Variants in ADAMTS20 observed in about 807,000 individuals in gnomAD.
ADAMTS20 encodes the protein ADAM metallopeptidase with thrombospondin type 1 motif 20, also known as A disintegrin and metalloproteinase with thrombospondin motifs 20.
Under a neutral mutation model 260.1 loss-of-function variants are expected in ADAMTS20, and 225 were observed. The observed-to-expected ratio is 0.87, with a 90% CI of 0.78 to 0.97. The LOEUF is 0.97. ADAMTS20 is among the 50% of genes least tolerant of loss of function. ADAMTS20 has a pLI of 0.00. For synonymous variants in ADAMTS20, 802 were observed against 769.5 expected, an observed-to-expected ratio of 1.04 and a Z score of -0.70; for missense variants, 2,400 against 2,337.7, an observed-to-expected ratio of 1.03 and a Z score of -0.55.
rs185013455 is a variant in ADAMTS20 at position 43,478,101 on chromosome 12, G to A, written c.1118-9396C>T. ...TTCAGATATGTGAATTTTCAGATAC[G>A]TAATATAAAATTATTCCACATAAGA... On this transcript the variant is annotated intron_variant, in intron 7 of 38. Transcript: ENST00000389420. 1.1e-3 allele frequency among the ~76,000 whole-genome samples: 166 copies of A among 152,112 alleles called. 1 individual carries two copies. Among genetic ancestry groups the A allele is most frequent in the Middle Eastern group, 3.4e-3 (1 of 294 alleles).
intron 37 of ADAMTS20, among the ~76,000 whole-genome samples, chr12:43,363,045 G>T (rs1462182828): frequency 1.3e-5 from 2 of 151,792 alleles, no homozygotes; most frequent in Non-Finnish European, 2.9e-5. Context: ...AAAAAAAAAA[G>T]AATATCTATT....
At chr12:43,430,574 C>G in intron 22 of ADAMTS20, 103 bp from the exon 23 acceptor site, 1 of 1,085,862 alleles carries the variant, frequency 9.2e-7, no homozygotes, top group Admixed American at 2.9e-5. Flanking sequence ...TTTTAATAAT[C>G]TTTTTATCAA....
At chr12:43,493,562 T>C (rs1401707864) in intron 4 of ADAMTS20, among the ~76,000 whole-genome samples, 1 of 152,112 alleles carries the variant, frequency 6.6e-6, no homozygotes, top group African/African-American at 2.4e-5. Flanking sequence ...ACACAGAATC[T>C]CAGGCCCCAC....
chr12:43,372,316 T>A (rs1940124907), intron 36 of ADAMTS20, among the ~76,000 whole-genome samples: 1 of 152,020 alleles, frequency 6.6e-6, no homozygotes, highest in Non-Finnish European at 1.5e-5. Flanking sequence ...CACAAAACCA[T>A]TAGAGGATGG....
rs114535448 is a variant in ADAMTS20, at chr12:43,455,202, A to T, written c.1615-1150T>A. Among the ~76,000 whole-genome samples the T allele has an allele frequency of 1.3e-3, 196 of 152,296 alleles. 1 individual carries two copies. The highest frequency in any genetic ancestry group is 4.5e-3 in the African/African-American group (186 of 41,540). On this transcript the variant is annotated intron_variant, in intron 11 of 38. Coordinates refer to ENST00000389420, the MANE Select transcript of ADAMTS20 (RefSeq NM_025003.5). ...ACTTAGCATAATATGCCCAAGCTTC[A>T]TCCATGTGTCAGAATTTTCTTATTA...
chr12:43,547,344 A>G (rs899376365), intron 2 of ADAMTS20, among the ~76,000 whole-genome samples: 1 of 152,168 alleles, frequency 6.6e-6, no homozygotes, highest in Non-Finnish European at 1.5e-5. Flanking sequence ...AACTCAGTAG[A>G]TACTGGAGGG....
At chr12:43,464,313 T>C (rs944413553) in intron 10 of ADAMTS20, among the ~76,000 whole-genome samples, 1 of 152,128 alleles carries the variant, frequency 6.6e-6, no homozygotes, top group Non-Finnish European at 1.5e-5. Context: ...AATGATTTTA[T>C]TTTCAAATTA....
chr12:43,378,822 A>G (rs1940286492), intron 31 of ADAMTS20, among the ~76,000 whole-genome samples: 1 of 152,226 alleles, frequency 6.6e-6, no homozygotes, highest in Non-Finnish European at 1.5e-5. Context: ...TCTCTCTTCT[A>G]TAATAGCAGT....
chr12:43,485,736 A>C (rs1942513230), intron 7 of ADAMTS20, among the ~76,000 whole-genome samples: 1 of 152,172 alleles, frequency 6.6e-6, no homozygotes, highest in African/African-American at 2.4e-5. Flanking sequence ...AGGTTCCCAA[A>C]TCAACATACA....
chr12:43,479,579 A>G (rs1273105591), intron 7 of ADAMTS20, among the ~76,000 whole-genome samples: 1 of 152,272 alleles, frequency 6.6e-6, no homozygotes, highest in East Asian at 1.9e-4. Context: ...TATGTAATTC[A>G]TGAAGCAGCA....
intron 21 of ADAMTS20, 57 bp from the exon 22 acceptor site, chr12:43,431,553 TA>T (rs1941444366): frequency 1.3e-6 from 2 of 1,565,116 alleles, no homozygotes; most frequent in African/African-American, 2.7e-5. Context: ...ACAAATGCCT[TA>T]AACTGATGCA....
At chr12:43,535,344 G>A (rs1276303328) in intron 2 of ADAMTS20, among the ~76,000 whole-genome samples, 2 of 151,984 alleles carry the variant, frequency 1.3e-5, no homozygotes, top group South Asian at 2.1e-4. Context: ...GCAAAAGTAG[G>A]GCATAAATTT....
intron 14 of ADAMTS20, among the ~76,000 whole-genome samples, chr12:43,448,691 G>A (rs1307697112): frequency 1.3e-5 from 2 of 152,054 alleles, no homozygotes; most frequent in Non-Finnish European, 2.9e-5. Flanking sequence ...TATCAACAGA[G>A]TAAATAGACA....
At chr12:43,448,159 C>CA (rs35186972) in intron 14 of ADAMTS20, among the ~76,000 whole-genome samples, 29,266 of 151,750 alleles carry the variant, frequency 0.19, 3,155 homozygotes, top group South Asian at 0.33. Flanking sequence ...CACATGGAAC[C>CA]AAAAAAAGAG....
intron 2 of ADAMTS20, among the ~76,000 whole-genome samples, chr12:43,547,780 A>C (rs11182150): frequency 0.43 from 65,851 of 151,966 alleles, 14,583 homozygotes; most frequent in East Asian, 0.55. Flanking sequence ...ATTCAGAGGG[A>C]TATACAGCAC....
rs1941768061 is a variant in ADAMTS20 at position 43,446,697 on chromosome 12, G to T, written c.2095C>A (p.His699Asn). 2 of 1,613,010 alleles carry T rather than the reference G, an allele frequency of 1.2e-6. No individual in the cohort carries two copies. Among genetic ancestry groups the T allele is most frequent in the Middle Eastern group, 3.3e-4 (2 of 6,056 alleles). Residue 699 changes from histidine to asparagine, a missense_variant, in exon 15 of 39, where the codon CAC becomes AAC. Physicochemically the swap from His to Asn is moderately conservative, Grantham distance 68. Transcript: ENST00000389420. ...ATCTTGGCACTGGAGTTTAACACGT[G>T]ATCACAACCAGCTGCCTTCAAGACA... Reference protein sequence around the residue: ...QGQCMAAGCDHVLNSSAKIDK... With the variant: ...QGQCMAAGCDNVLNSSAKIDK...
intron 3 of ADAMTS20, among the ~76,000 whole-genome samples, chr12:43,508,539 A>C (rs1285631913): frequency 6.6e-6 from 1 of 152,206 alleles, no homozygotes; most frequent in Admixed American, 6.6e-5. Context: ...TATGTTAACT[A>C]ATCAGTAGCA....
At chr12:43,503,135 G>A (rs937289943) in intron 3 of ADAMTS20, among the ~76,000 whole-genome samples, 7 of 66,010 alleles carry the variant, frequency 1.1e-4, no homozygotes, top group Admixed American at 6.2e-4. Context: ...TTAATTAATT[G>A]CCCTAATGGA....
chr12:43,534,362 A>G (rs1228353973), intron 2 of ADAMTS20, among the ~76,000 whole-genome samples: 20 of 152,210 alleles, frequency 1.3e-4, no homozygotes, highest in Admixed American at 1.2e-3. Context: ...ACTTTAATAC[A>G]TTAGTGTTGA....
Sources: gnomAD v4.1 joint callset for allele counts (sites outside exome capture counted in the v4.1 genomes callset) on GRCh38, gnomAD v4.1.1 for gene constraint, MANE v1.5 for transcripts, NCBI Gene and HGNC (gene_info 2026-07-23, HGNC 2026-07-21) for gene names.